The following NBEA variants were observed in gnomAD, a reference collection of about 807,000 sequenced individuals.
NBEA encodes lysosomal-trafficking regulator 2.
NBEA carries 44 observed loss-of-function variants against 343.4 expected under a neutral mutation model. The observed-to-expected ratio is 0.13, with a 90% CI of 0.10 to 0.16. The LOEUF (loss-of-function observed/expected upper bound fraction) is 0.16. NBEA is among the 10% of genes least tolerant of loss of function. The pLI is 1.00. For synonymous variants in NBEA, 1,175 were observed against 1,238.7 expected (o/e 0.95, Z 1.08); for missense variants, 2,555 against 3,631.3 (o/e 0.70, Z 7.62).
chr13:35,258,082 A>G (rs1168257946), intron 34 of NBEA, among the ~76,000 whole-genome samples: 1 of 151,782 alleles, frequency 6.6e-6, no homozygotes, highest in African/African-American at 2.4e-5. Flanking sequence ...TGTTTTCCTA[A>G]TGTTTCATGA....
At chr13:35,162,583 C>T (rs926890903) in intron 23 of NBEA, among the ~76,000 whole-genome samples, 2 of 152,004 alleles carry the variant, frequency 1.3e-5, no homozygotes, top group African/African-American at 4.8e-5. Flanking sequence ...CTTCTCTCTC[C>T]TCTTTCACTT....
intron 1 of NBEA, among the ~76,000 whole-genome samples, chr13:35,017,366 G>A (rs1279047710): frequency 1.3e-5 from 2 of 152,096 alleles, no homozygotes; most frequent in Non-Finnish European, 2.9e-5. Flanking sequence ...TGTGTGTTTA[G>A]TGCCTGTTAT....
intron 33 of NBEA, among the ~76,000 whole-genome samples, chr13:35,218,026 A>G (rs867342674): frequency 6.6e-6 from 1 of 152,024 alleles, no homozygotes; most frequent in African/African-American, 2.4e-5. Flanking sequence ...CTACAGTCTC[A>G]GTCGTGTCAA....
At chr13:35,038,985 A>C (rs2152556457) in intron 1 of NBEA, among the ~76,000 whole-genome samples, 1 of 152,302 alleles carries the variant, frequency 6.6e-6, no homozygotes, top group South Asian at 2.1e-4. Flanking sequence ...AAGTTTACTT[A>C]AACACCAAGA....
intron 38 of NBEA, among the ~76,000 whole-genome samples, chr13:35,415,644 G>A (rs1207422246): frequency 6.6e-6 from 1 of 152,094 alleles, no homozygotes; most frequent in Non-Finnish European, 1.5e-5. Context: ...TAGCCTTGTA[G>A]TATAGTTTGA....
intron 41 of NBEA, among the ~76,000 whole-genome samples, chr13:35,542,661 T>C (rs1445800146): frequency 6.6e-6 from 1 of 152,178 alleles, no homozygotes; most frequent in African/African-American, 2.4e-5. Flanking sequence ...TAAAGCTCTA[T>C]ACCACATTGC....
At chr13:34,991,026 A>G (rs1252843665) in intron 1 of NBEA, among the ~76,000 whole-genome samples, 3 of 152,194 alleles carry the variant, frequency 2.0e-5, no homozygotes, top group South Asian at 2.1e-4. Context: ...CCAGTTCCCA[A>G]TAAGTTCCTC....
chr13:35,111,517 G>A (rs1160531885), intron 13 of NBEA, among the ~76,000 whole-genome samples: 3 of 151,674 alleles, frequency 2.0e-5, no homozygotes, highest in Non-Finnish European at 4.4e-5. Context: ...TATGATTTTG[G>A]CATGTTTTCT....
chr13:35,327,032 C>G (rs981561867), intron 36 of NBEA, among the ~76,000 whole-genome samples: 7 of 151,934 alleles, frequency 4.6e-5, no homozygotes, highest in African/African-American at 1.7e-4. Flanking sequence ...AAAAAATGTT[C>G]AACATCACTA....
chr13:35,305,731 G>A (rs117518602), intron 35 of NBEA, among the ~76,000 whole-genome samples: 4,532 of 152,280 alleles, frequency 0.03, 102 homozygotes, highest in Non-Finnish European at 0.045. Context: ...AAACTTTCAT[G>A]TTTTAAGCCC....
chr13:35,054,025 G>A (rs1182601059), intron 6 of NBEA, among the ~76,000 whole-genome samples: 1 of 151,966 alleles, frequency 6.6e-6, no homozygotes, highest in Non-Finnish European at 1.5e-5. Context: ...TAAGAACTCA[G>A]TAAGTATTGT....
intron 31 of NBEA, among the ~76,000 whole-genome samples, chr13:35,198,608 T>C (rs543624384): frequency 5.1e-4 from 78 of 152,128 alleles, no homozygotes; most frequent in African/African-American, 1.7e-3. Context: ...GCAGTAGGAG[T>C]GGAATCATTA....
intron 36 of NBEA, among the ~76,000 whole-genome samples, chr13:35,345,238 A>G (rs1328462625): frequency 6.6e-6 from 1 of 152,072 alleles, no homozygotes; most frequent in African/African-American, 2.4e-5. Context: ...TTAAGAATAG[A>G]AGAGAATTTT....
intron 34 of NBEA, among the ~76,000 whole-genome samples, chr13:35,246,367 G>C (rs1191791849): frequency 6.6e-6 from 1 of 152,068 alleles, no homozygotes; most frequent in Non-Finnish European, 1.5e-5. Context: ...CCCTTGTTTT[G>C]TCATATTACG....
chr13:35,094,722 T>A (rs2065248249), intron 10 of NBEA, among the ~76,000 whole-genome samples: 1 of 152,160 alleles, frequency 6.6e-6, no homozygotes, highest in African/African-American at 2.4e-5. Context: ...ACTATAGAAA[T>A]ATGATATTAA....
At chr13:35,597,796 A>G (rs1200376358) in intron 47 of NBEA, among the ~76,000 whole-genome samples, 1 of 152,166 alleles carries the variant, frequency 6.6e-6, no homozygotes, top group Non-Finnish European at 1.5e-5. Flanking sequence ...AAGTCACATC[A>G]TGTTACTTCC....
At position 35,475,247 on chromosome 13, in the gene NBEA, C is replaced by T. The variant is rs1466490352; in HGVS notation, c.6585+2711C>T. ...TGCAGCAAAATCCCGTTCAGCCGAT[C>T]ACCCAGGCAAGACTCGTCCCAGTCC... On this transcript the variant is annotated intron_variant, in intron 41 of 58. Coordinates refer to ENST00000379939, the MANE Select transcript of NBEA (RefSeq NM_001385012.1). 6.2e-7 allele frequency: 1 copy of T among 1,613,844 alleles called. No individual in the cohort carries two copies. The highest frequency in any genetic ancestry group is 8.5e-7 in the Non-Finnish European group (1 of 1,180,010).
chr13:34,950,834 A>G (rs371106709), intron 1 of NBEA, among the ~76,000 whole-genome samples: 149 of 152,282 alleles, frequency 9.8e-4, no homozygotes, highest in African/African-American at 3.4e-3. Flanking sequence ...CATGCCTGTA[A>G]TTCCAGCACT....
intron 1 of NBEA, among the ~76,000 whole-genome samples, chr13:35,025,877 A>G (rs977072130): frequency 6.6e-5 from 10 of 152,162 alleles, no homozygotes; most frequent in African/African-American, 2.2e-4. Flanking sequence ...TCTGTTTTAC[A>G]TACTACTGAC....
Sources: gnomAD v4.1 joint callset for allele counts (sites outside exome capture counted in the v4.1 genomes callset) on GRCh38, gnomAD v4.1.1 for gene constraint, MANE v1.5 for transcripts, NCBI Gene and HGNC (gene_info 2026-07-23, HGNC 2026-07-21) for gene names.